Variants in C4BPA observed in about 807,000 individuals in gnomAD.
C4BPA encodes complement component 4 binding protein alpha, also known as C4b-binding protein alpha chain.
A neutral mutation model predicts 63.7 loss-of-function variants in C4BPA; 31 were observed. That is an observed-to-expected ratio of 0.49 (90% CI 0.37 to 0.66). The LOEUF (loss-of-function observed/expected upper bound fraction) is 0.66. Ranked by LOEUF, C4BPA falls within the 30% of genes least tolerant of loss-of-function variation. The pLI is 0.00. For missense variants in C4BPA, 572 were observed against 723.3 expected (o/e 0.79, Z 2.40); for synonymous variants, 259 against 254.7 (o/e 1.02, Z -0.16).
chr1:207,106,765 T>G lies in C4BPA; in HGVS notation c.-26+2335T>G, dbSNP rs1200962190. 2.6e-5 allele frequency among the ~76,000 whole-genome samples: 4 copies of G among 152,178 alleles called. No homozygotes were observed. The East Asian group carries it at 7.7e-4, about 29-fold the overall frequency. On this transcript the variant is annotated intron_variant, in intron 1 of 11. Transcript: ENST00000367070. ...CTCCTCTGTGTAAGTTTTAAGCTAG[T>G]TAAATTCTGGTGCTCAAATTAGGTC...
chr1:207,130,808 T>C (rs538693058), intron 7 of C4BPA, among the ~76,000 whole-genome samples: 1 of 152,006 alleles, frequency 6.6e-6, no homozygotes, highest in East Asian at 1.9e-4. Flanking sequence ...GAGGTGGAAA[T>C]AGGGAGTGAC....
In C4BPA at chr1:207,114,212, C is replaced by T. The variant is rs771022113; in HGVS notation, c.255C>T (p.Tyr85=). The T allele has an allele frequency of 3.0e-5, 48 of 1,613,578 alleles. No homozygotes were observed. The highest frequency in any genetic ancestry group is 8.9e-5 in the East Asian group (4 of 44,880). ...TTLKYTCLPG[Y]VRSHSTQTLT... ...TGAAATACACCTGCCTCCCTGGCTA[C>T]GTCAGATCCCATTCAACTCAGACGC... Residue 85 remains tyrosine, a synonymous_variant, in exon 3 of 12, where the codon TAC becomes TAT. Transcript: ENST00000367070.
chr1:207,118,245 A>ATCTG (rs1435995044), intron 4 of C4BPA, among the ~76,000 whole-genome samples: 1 of 150,520 alleles, frequency 6.6e-6, no homozygotes, highest in African/African-American at 2.5e-5. Flanking sequence ...CTATCTATCT[A>ATCTG]TCATCTATCT....
intron 8 of C4BPA, among the ~76,000 whole-genome samples, chr1:207,133,964 C>T (rs1332508623): frequency 6.6e-6 from 1 of 151,762 alleles, no homozygotes; most frequent in Non-Finnish European, 1.5e-5. Context: ...TTGTCATTGC[C>T]CTTGAATAAT....
intron 4 of C4BPA, among the ~76,000 whole-genome samples, chr1:207,118,208 C>CTATCTATCT (rs778906295): frequency 7.7e-4 from 57 of 74,448 alleles, no homozygotes; most frequent in Non-Finnish European, 7.5e-4. Context: ...ATCTATCTAT[C>CTATCTATCT]ATCTGTCTAT....
intron 1 of C4BPA, among the ~76,000 whole-genome samples, chr1:207,108,902 T>C (rs1219971354): frequency 6.6e-6 from 1 of 151,990 alleles, no homozygotes; most frequent in East Asian, 1.9e-4. Context: ...TTTGTATTTT[T>C]AGTAGAGACG....
intron 4 of C4BPA, among the ~76,000 whole-genome samples, chr1:207,118,050 AC>A (rs749448708): frequency 5.3e-5 from 8 of 152,152 alleles, no homozygotes; most frequent in Non-Finnish European, 1.0e-4. Flanking sequence ...GCAAAACCAA[AC>A]AAAAAATGTT....
intron 11 of C4BPA, 137 bp from the exon 12 acceptor site, chr1:207,144,407 T>A: frequency 1.5e-6 from 1 of 673,148 alleles, no homozygotes; most frequent in Non-Finnish European, 2.4e-6. Flanking sequence ...CCAAGTGATT[T>A]CTTGTTTTCC....
intron 9 of C4BPA, 49 bp from the exon 10 acceptor site, chr1:207,141,057 A>G (rs776457585): frequency 6.9e-7 from 1 of 1,455,864 alleles, no homozygotes; most frequent in Admixed American, 1.8e-5. Flanking sequence ...GTGCTACTTT[A>G]TACACTTTAC....
intron 4 of C4BPA, among the ~76,000 whole-genome samples, chr1:207,120,382 C>G (rs1355771176): frequency 6.6e-6 from 1 of 152,064 alleles, no homozygotes; most frequent in Non-Finnish European, 1.5e-5. Context: ...AACTAGGCAC[C>G]CTGTATTTGT....
At chr1:207,127,118 T>C (rs542174485) in intron 7 of C4BPA, 1 of 369,232 alleles carries the variant, frequency 2.7e-6, no homozygotes, top group African/African-American at 2.1e-5. Context: ...ACCACAAGAC[T>C]GTGCACATTC....
intron 4 of C4BPA, among the ~76,000 whole-genome samples, chr1:207,123,641 C>T (rs1684965045): frequency 6.6e-6 from 1 of 152,116 alleles, no homozygotes; most frequent in Non-Finnish European, 1.5e-5. Context: ...CACGCTGAAG[C>T]CAGCCTTTTA....
rs1204091119 is a variant in C4BPA at position 207,104,273 on chromosome 1, G to C, written c.-183G>C. The C allele has an allele frequency of 6.6e-6, 1 of 152,194 alleles. No individual in the cohort carries two copies. Among genetic ancestry groups the C allele is most frequent in the Non-Finnish European group, 1.5e-5 (1 of 68,056 alleles). The allele number at this position is 152,194 out of a possible 1,614,324, so 9.4% of individuals were successfully genotyped here. A position where few individuals can be genotyped will look rare whatever the true frequency, so the allele number is the denominator to read the frequency against. The stretch of plus-strand genomic sequence containing the variant: ...GCCAACCACATGGCTGAAATTCAGG[G>C]ACTCTTTGGTGGAGCAATTACCAGT... On this transcript the variant is annotated 5_prime_UTR_variant, in exon 1 of 12. Coordinates refer to ENST00000367070, the MANE Select transcript of C4BPA (RefSeq NM_000715.4).
At chr1:207,123,772 T>A in intron 4 of C4BPA, 150 bp from the exon 5 acceptor site, 1 of 594,446 alleles carries the variant, frequency 1.7e-6, no homozygotes. Flanking sequence ...AATGAAATTT[T>A]ACTGAATGGA....
intron 9 of C4BPA, among the ~76,000 whole-genome samples, chr1:207,138,073 T>A (rs1558097322): frequency 6.6e-6 from 1 of 152,222 alleles, no homozygotes; most frequent in Non-Finnish European, 1.5e-5. Context: ...ATTCAGATGG[T>A]TGGGGGACCT....
chr1:207,110,682 A>G (rs911586518), intron 1 of C4BPA, among the ~76,000 whole-genome samples: 1 of 152,228 alleles, frequency 6.6e-6, no homozygotes, highest in Non-Finnish European at 1.5e-5. Context: ...CAATGAGTAT[A>G]AATATATCCT....
Position 207,126,685 on chromosome 1 carries a change from C to G in C4BPA, c.707-28C>G, listed in dbSNP as rs753308321. 9.6e-6 allele frequency: 15 copies of G among 1,566,192 alleles called. No homozygotes were observed. The South Asian group carries it at 1.6e-4, about 17-fold the overall frequency. ...CTTATTACCATCTATCTTTTAAAAT[C>G]CACTTGTCTTTTCTCATGATTCTTT... On this transcript the variant is annotated intron_variant, in intron 6 of 11. Transcript: ENST00000367070.
At chr1:207,144,200 A>C in intron 11 of C4BPA, among the ~76,000 whole-genome samples, 1 of 152,184 alleles carries the variant, frequency 6.6e-6, no homozygotes, top group East Asian at 1.9e-4. Context: ...TGAGAACAGG[A>C]AAAACTGAGC....
Position 207,143,900 on chromosome 1 carries a change from C to A in C4BPA, c.1527C>A (p.Ile509=). 6.2e-7 allele frequency: 1 copy of A among 1,612,288 alleles called. No homozygotes were observed. The highest frequency in any genetic ancestry group is 8.5e-7 in the Non-Finnish European group (1 of 1,178,780). Residue 509 remains isoleucine (I), a synonymous_variant, in exon 11 of 12, where the codon ATC becomes ATA. Coordinates refer to ENST00000367070, the MANE Select transcript of C4BPA (RefSeq NM_000715.4). The part of the protein sequence containing the change: ...DQYVEPENVT[I]QCDSGYGVVG... ...ATGTTGAGCCTGAAAATGTCACCAT[C>A]CAATGTGATTCTGGCTATGGTGTGG...
Sources: gnomAD v4.1 joint callset for allele counts (sites outside exome capture counted in the v4.1 genomes callset) on GRCh38, gnomAD v4.1.1 for gene constraint, MANE v1.5 for transcripts, NCBI Gene and HGNC (gene_info 2026-07-23, HGNC 2026-07-21) for gene names.